The following CLNK variants were observed in gnomAD, a reference collection of about 807,000 sequenced individuals.
The protein encoded by CLNK is cytokine dependent hematopoietic cell linker.
CLNK carries 74 observed loss-of-function variants against 68.6 expected under a neutral mutation model. The observed-to-expected ratio is 1.08, with a 90% CI of 0.89 to 1.31. CLNK has a LOEUF of 1.31. Ranked by LOEUF, CLNK falls within the 50% of genes most tolerant of loss-of-function variation. CLNK has a pLI of 0.00. For missense variants in CLNK, 553 were observed against 515.3 expected, an observed-to-expected ratio of 1.07 and a Z score of -0.71; for synonymous variants, 198 against 172.2, an observed-to-expected ratio of 1.15 and a Z score of -1.17.
chr4:10,727,690 G>A, the CLNK span, among the ~76,000 whole-genome samples: 30,500 of 152,164 alleles, frequency 0.2, 3,451 homozygotes, highest in Non-Finnish European at 0.26. Context: ...AGCCTTGTTC[G>A]TGAGAAGAGG....
chr4:10,690,533 C>A, the CLNK span, among the ~76,000 whole-genome samples: 1 of 152,188 alleles, frequency 6.6e-6, no homozygotes, highest in Admixed American at 6.5e-5. Flanking sequence ...AGAAGTTTAT[C>A]AATTAATAAA....
rs552613968 is a variant in CLNK, at chr4:10,558,352, A to T, written c.445+55T>A. On this transcript the variant is annotated intron_variant, in intron 8 of 18. Transcript: ENST00000226951. ...AACAGTAATGCGAGAGGATCTTAGA[A>T]GCAAAATAGATGTTTTCATACTTAC... 36 of 1,490,512 alleles carry T rather than the reference A, an allele frequency of 2.4e-5. No individual in the cohort carries two copies. The African/African-American group carries it at 4.1e-4, about 17-fold the overall frequency. The allele number at this position is 1,490,512 out of a possible 1,614,324, so 92.3% of individuals were successfully genotyped here.
chr4:10,674,606 C>T (rs1343511597), intron 1 of CLNK, among the ~76,000 whole-genome samples: 1 of 152,170 alleles, frequency 6.6e-6, no homozygotes, highest in Non-Finnish European at 1.5e-5. Context: ...ACGGGGCTCA[C>T]TGTACTCTCC....
intron 8 of CLNK, among the ~76,000 whole-genome samples, chr4:10,550,435 C>T (rs1200836620): frequency 6.6e-6 from 1 of 152,100 alleles, no homozygotes; most frequent in East Asian, 1.9e-4. Flanking sequence ...GCGGAGCTTG[C>T]AGTGAGCCAA....
the CLNK span, among the ~76,000 whole-genome samples, chr4:10,715,492 A>G: frequency 6.6e-6 from 1 of 152,218 alleles, no homozygotes; most frequent in Non-Finnish European, 1.5e-5. Flanking sequence ...GACTTATTCA[A>G]AATAATAGGA....
chr4:10,660,912 C>T (rs1020717793), intron 2 of CLNK, among the ~76,000 whole-genome samples: 1 of 152,192 alleles, frequency 6.6e-6, no homozygotes, highest in Non-Finnish European at 1.5e-5. Flanking sequence ...TAGCCAACCA[C>T]GAAGCTGAAT....
At chr4:10,548,559 T>A (rs545526871) in intron 8 of CLNK, among the ~76,000 whole-genome samples, 1 of 152,330 alleles carries the variant, frequency 6.6e-6, no homozygotes, top group South Asian at 2.1e-4. Context: ...TTTGGTCTCA[T>A]ACCCAAAAAG....
At chr4:10,658,654 G>A (rs887052236) in intron 2 of CLNK, among the ~76,000 whole-genome samples, 10 of 152,282 alleles carry the variant, frequency 6.6e-5, no homozygotes, top group African/African-American at 1.2e-4. Flanking sequence ...CTACAGTAGA[G>A]CGGCCATAGC....
At chr4:10,716,262 T>C in the CLNK span, among the ~76,000 whole-genome samples, 1 of 152,206 alleles carries the variant, frequency 6.6e-6, no homozygotes, top group African/African-American at 2.4e-5. Flanking sequence ...AGGATTCTGA[T>C]AGGATCAAGT....
At chr4:10,734,543 A>C in the CLNK span, among the ~76,000 whole-genome samples, 3 of 152,228 alleles carry the variant, frequency 2.0e-5, no homozygotes, top group African/African-American at 7.2e-5. Flanking sequence ...AAGACACAGC[A>C]ATTTAGCAAG....
At chr4:10,610,133 T>A (rs2108853333) in intron 2 of CLNK, among the ~76,000 whole-genome samples, 1 of 135,834 alleles carries the variant, frequency 7.4e-6, no homozygotes, top group African/African-American at 2.8e-5. Flanking sequence ...CTCCGCTCAC[T>A]GCAAGCTCCG....
At chr4:10,682,121 T>TTGTGTG (rs138607439) in intron 1 of CLNK, among the ~76,000 whole-genome samples, 30 of 151,082 alleles carry the variant, frequency 2.0e-4, no homozygotes, top group African/African-American at 7.0e-4. Context: ...ACAATTCTGT[T>TTGTGTG]TGTGTGTGTG....
At chr4:10,637,098 T>A (rs890762994) in intron 2 of CLNK, among the ~76,000 whole-genome samples, 2 of 152,150 alleles carry the variant, frequency 1.3e-5, no homozygotes, top group Non-Finnish European at 2.9e-5. Flanking sequence ...GAAGAGCAAA[T>A]AAACATGTTT....
chr4:10,691,747 C>A, the CLNK span, among the ~76,000 whole-genome samples: 1 of 152,116 alleles, frequency 6.6e-6, no homozygotes, highest in Non-Finnish European at 1.5e-5. Context: ...ATTGGCAGGA[C>A]AAAGGGCCCC....
At chr4:10,632,725 A>C (rs1320303085) in intron 2 of CLNK, among the ~76,000 whole-genome samples, 1 of 152,346 alleles carries the variant, frequency 6.6e-6, no homozygotes, top group South Asian at 2.1e-4. Flanking sequence ...ATCATGCCAC[A>C]CACCCATGTT....
intron 3 of CLNK, 66 bp downstream of exon 3, chr4:10,597,912 G>T: frequency 9.0e-7 from 1 of 1,113,298 alleles, no homozygotes; most frequent in Non-Finnish European, 1.3e-6. Flanking sequence ...GTTTGTGATG[G>T]TCAGCTTATT....
intron 2 of CLNK, among the ~76,000 whole-genome samples, chr4:10,644,524 G>A (rs566183575): frequency 6.6e-6 from 1 of 152,134 alleles, no homozygotes; most frequent in Non-Finnish European, 1.5e-5. Context: ...CAGAGCCTAG[G>A]TTTGAGCTCA....
intron 13 of CLNK, among the ~76,000 whole-genome samples, chr4:10,526,865 G>A (rs1294706260): frequency 1.3e-5 from 2 of 152,020 alleles, no homozygotes; most frequent in South Asian, 2.1e-4. Flanking sequence ...ATTGCCAAGG[G>A]CACATCATAA....
At chr4:10,712,206 G>C in the CLNK span, among the ~76,000 whole-genome samples, 1 of 152,174 alleles carries the variant, frequency 6.6e-6, no homozygotes, top group South Asian at 2.1e-4. Context: ...GGAGGTGCCA[G>C]TCTGTCACCT....
Sources: gnomAD v4.1 joint callset for allele counts (sites outside exome capture counted in the v4.1 genomes callset) on GRCh38, gnomAD v4.1.1 for gene constraint, MANE v1.5 for transcripts, NCBI Gene and HGNC (gene_info 2026-07-23, HGNC 2026-07-21) for gene names.